Variants in DRG1 observed in about 807,000 individuals in gnomAD.
DRG1 encodes developmentally-regulated GTP-binding protein 1.
A neutral mutation model predicts 38.8 loss-of-function variants in DRG1; 19 were observed. That is an observed-to-expected ratio of 0.49 (90% CI 0.34 to 0.72). The LOEUF (loss-of-function observed/expected upper bound fraction) is 0.72, where lower values mean the gene tolerates loss of function less well. Among genes scored for constraint, DRG1 ranks in the 30% least tolerant of loss-of-function variants. The probability of loss-of-function intolerance (pLI) is 0.01; values close to 1 mark genes in which losing one functional copy is unlikely to be tolerated. For missense variants in DRG1, 299 were observed against 444.8 expected (o/e 0.67, Z 2.95); for synonymous variants, 167 against 157.5 (o/e 1.06, Z -0.45).
chr22:31,417,415 C>T (rs1016520742), intron 4 of DRG1, among the ~76,000 whole-genome samples: 3 of 151,442 alleles, frequency 2.0e-5, no homozygotes, highest in South Asian at 4.2e-4. Flanking sequence ...CTTGGTGGCT[C>T]ATGCCTGTAA....
intron 4 of DRG1, among the ~76,000 whole-genome samples, chr22:31,413,698 C>A (rs1373744875): frequency 7.6e-6 from 1 of 132,366 alleles, no homozygotes; most frequent in Non-Finnish European, 1.5e-5. Context: ...CATGCAATAT[C>A]TGCCTCCCGG....
chr22:31,414,321 G>C (rs1488025848), intron 4 of DRG1, among the ~76,000 whole-genome samples: 2 of 152,018 alleles, frequency 1.3e-5, no homozygotes, highest in Admixed American at 6.6e-5. Context: ...TGTCTAATTA[G>C]GTGTCTCAAA....
At chr22:31,423,027 A>G (rs1254524986) in intron 5 of DRG1, among the ~76,000 whole-genome samples, 1 of 152,126 alleles carries the variant, frequency 6.6e-6, no homozygotes, top group Non-Finnish European at 1.5e-5. Flanking sequence ...AATACATCAC[A>G]TTCTGAGATA....
rs766501589 is a variant in DRG1, at chr22:31,399,625, C to G, written c.-59C>G. On this transcript the variant is annotated 5_prime_UTR_variant, in exon 1 of 9. Transcript: ENST00000331457. ...CTGCAGTAGCGCCTGGTGGCGGTGG[C>G]AGTTTGCCCGCGGGTGTGTGAAGGG... is the stretch of plus-strand genomic sequence containing the variant. 3 of 1,611,882 alleles carry G rather than the reference C, an allele frequency of 1.9e-6. No homozygotes were observed. The highest frequency in any genetic ancestry group is 2.7e-5 in the African/African-American group (2 of 74,898).
chr22:31,416,899 C>CA (rs695533), intron 4 of DRG1, among the ~76,000 whole-genome samples: 42 of 127,398 alleles, frequency 3.3e-4, no homozygotes, highest in Admixed American at 1.5e-3. Flanking sequence ...GATTCTGTCT[C>CA]AAAAAAAAAA....
At chr22:31,408,123 T>G (rs960898000) in intron 3 of DRG1, among the ~76,000 whole-genome samples, 1 of 122,436 alleles carries the variant, frequency 8.2e-6, no homozygotes, top group South Asian at 3.0e-4. Context: ...GAGACTCCCC[T>G]TTTTTTCCTT....
Position 31,420,423 on chromosome 22 carries a change from A to G in DRG1, c.580A>G (p.Thr194Ala), listed in dbSNP as rs763641476. 1 of 1,614,174 alleles carries G rather than the reference A, an allele frequency of 6.2e-7. No homozygotes were observed. ...CAAGGGAGGCATTAATCTCACAGCC[A>G]CTGTAAGTGGGGAATATGACATGGG... ...KDKGGINLTA[T>A]CPQSELDAET... is the part of the protein sequence containing the mutation. The change falls in exon 5 of 9, where the codon ACT becomes GCT. Residue 194 changes from threonine (T) to alanine (A), a missense_variant and splice_region_variant. Transcript: ENST00000331457.
intron 5 of DRG1, among the ~76,000 whole-genome samples, chr22:31,422,072 C>T (rs1220955936): frequency 1.3e-5 from 2 of 151,098 alleles, no homozygotes; most frequent in East Asian, 3.9e-4. Context: ...GATGACGCCA[C>T]TGCACTCCAG....
chr22:31,425,043 G>T (rs1047712427), intron 6 of DRG1, among the ~76,000 whole-genome samples: 96 of 150,436 alleles, frequency 6.4e-4, no homozygotes, highest in African/African-American at 2.2e-3. Flanking sequence ...CAGTCTGCCT[G>T]CCTCTGCCTC....
At chr22:31,413,263 A>G (rs975446953) in intron 4 of DRG1, among the ~76,000 whole-genome samples, 30 of 151,878 alleles carry the variant, frequency 2.0e-4, no homozygotes, top group African/African-American at 7.3e-4. Flanking sequence ...CGTGTGGGCT[A>G]ATTTTTAAAA....
chr22:31,423,363 T>C lies in DRG1; in HGVS notation c.666T>C (p.Arg222=), dbSNP rs2145868505. 1.2e-6 allele frequency: 2 copies of C among 1,614,050 alleles called. No individual in the cohort carries two copies. Among genetic ancestry groups the C allele is most frequent in the South Asian group, 2.2e-5 (2 of 91,066 alleles). Residue 222 remains arginine (R), a synonymous_variant, in exon 6 of 9, where the codon CGT becomes CGC. Transcript: ENST00000331457. The part of the protein sequence containing the change: ...YKIHNADVTL[R]SDATADDLID... ...TTCATAATGCCGATGTGACTCTACG[T>C]AGTGATGCTACAGCTGATGACCTCA...
intron 8 of DRG1, among the ~76,000 whole-genome samples, chr22:31,433,269 C>T (rs549718799): frequency 1.5e-5 from 2 of 136,064 alleles, no homozygotes; most frequent in South Asian, 4.9e-4. Flanking sequence ...AGATTAAAGA[C>T]GGATTTTTTT....
At chr22:31,401,444 T>G (rs1043742700) in intron 2 of DRG1, among the ~76,000 whole-genome samples, 1 of 151,816 alleles carries the variant, frequency 6.6e-6, no homozygotes, top group Non-Finnish European at 1.5e-5. Flanking sequence ...CTGGGCATGG[T>G]GGCGCATGCC....
Position 31,402,901 on chromosome 22 carries a change from A to G in DRG1, c.167-128A>G. ...TTTGTGTGCTTTAGTTCTCCTTTAA[A>G]GGTAAACCATAAAAAGTTTGAGAAA... On this transcript the variant is annotated intron_variant, in intron 2 of 8. Transcript: ENST00000331457. The G allele has an allele frequency of 5.8e-6, 6 of 1,042,286 alleles. No individual in the cohort carries two copies. In the South Asian group the frequency reaches 1.0e-4, roughly 18 times the overall value. The allele number at this position is 1,042,286 out of a possible 1,614,324, so 64.6% of individuals were successfully genotyped here.
intron 3 of DRG1, among the ~76,000 whole-genome samples, chr22:31,409,968 C>T (rs533510348): frequency 4.5e-4 from 68 of 152,122 alleles, no homozygotes; most frequent in African/African-American, 1.6e-3. Context: ...GCATTCCAGC[C>T]TGGGTGGCAG....
At chr22:31,400,084 C>A (rs2049952457) in intron 1 of DRG1, among the ~76,000 whole-genome samples, 1 of 152,054 alleles carries the variant, frequency 6.6e-6, no homozygotes, top group African/African-American at 2.4e-5. Flanking sequence ...GTCCCTTATT[C>A]CATCTCTGAC....
intron 3 of DRG1, among the ~76,000 whole-genome samples, chr22:31,405,951 G>A (rs1334805020): frequency 6.6e-6 from 1 of 151,600 alleles, no homozygotes; most frequent in Non-Finnish European, 1.5e-5. Context: ...GCCTCCCAAA[G>A]TGCTGGGATT....
intron 5 of DRG1, chr22:31,421,164 G>C (rs1423941652): frequency 6.6e-6 from 1 of 152,020 alleles, no homozygotes; most frequent in Non-Finnish European, 1.5e-5. Flanking sequence ...TTAGGCTGGA[G>C]TACAGTGGCA....
intron 8 of DRG1, among the ~76,000 whole-genome samples, chr22:31,429,844 C>T (rs544417792): frequency 1.3e-5 from 2 of 152,088 alleles, no homozygotes; most frequent in East Asian, 1.9e-4. Flanking sequence ...AGACAAGGTC[C>T]GACTTGTGTT....
Sources: gnomAD v4.1 joint callset for allele counts (sites outside exome capture counted in the v4.1 genomes callset) on GRCh38, gnomAD v4.1.1 for gene constraint, MANE v1.5 for transcripts, NCBI Gene and HGNC (gene_info 2026-07-23, HGNC 2026-07-21) for gene names.